ADGRG2: variants seen among roughly 807,000 people sequenced by gnomAD.
ADGRG2 encodes adhesion G protein-coupled receptor G2.
In ADGRG2, 26 loss-of-function variants were observed where a neutral mutation model predicts 74.1. That is an observed-to-expected ratio of 0.35 (90% CI 0.26 to 0.49). The LOEUF (loss-of-function observed/expected upper bound fraction) is 0.49. Ranked by LOEUF, ADGRG2 falls within the 20% of genes least tolerant of loss-of-function variation. The probability of loss-of-function intolerance (pLI) is 0.99; values close to 1 mark genes in which losing one functional copy is unlikely to be tolerated. For synonymous variants in ADGRG2, 296 were observed against 295.2 expected, an observed-to-expected ratio of 1.00 and a Z score of -0.03; for missense variants, 619 against 763.1, an observed-to-expected ratio of 0.81 and a Z score of 2.22.
At chrX:19,097,241 G>C (rs1048982026) in intron 1 of ADGRG2, among the ~76,000 whole-genome samples, 2 of 113,037 alleles carry the variant, frequency 1.8e-5, no homozygotes, top group African/African-American at 6.4e-5. Context: ...GCCAGGCGTT[G>C]TGGCTTACGC....
intron 3 of ADGRG2, among the ~76,000 whole-genome samples, chrX:19,041,347 C>G (rs1028191613): frequency 8.9e-6 from 1 of 111,758 alleles, no homozygotes; most frequent in Non-Finnish European, 1.9e-5. Flanking sequence ...GCAAAATGCC[C>G]TAGAGAAAAC....
chrX:19,070,344 T>C (rs1341185948), intron 2 of ADGRG2, among the ~76,000 whole-genome samples: 1 of 112,438 alleles, frequency 8.9e-6, no homozygotes, highest in East Asian at 2.8e-4. Flanking sequence ...AGGGCCAATA[T>C]GTACCAGATG....
At chrX:19,011,008 C>T (rs185807740) in intron 16 of ADGRG2, among the ~76,000 whole-genome samples, 1 of 112,053 alleles carries the variant, frequency 8.9e-6, no homozygotes, top group East Asian at 2.8e-4. Context: ...AATGGATCAA[C>T]AAACTATGGT....
intron 2 of ADGRG2, among the ~76,000 whole-genome samples, chrX:19,080,308 T>C (rs1158542928): frequency 9.0e-6 from 1 of 111,343 alleles, no homozygotes; most frequent in Non-Finnish European, 1.9e-5. Flanking sequence ...ATGTGTGAAT[T>C]ATCCAACGCA....
At chrX:19,032,881 G>C (rs1020034528) in intron 8 of ADGRG2, 1 of 111,912 alleles carries the variant, frequency 8.9e-6, no homozygotes, top group Non-Finnish European at 1.9e-5. Flanking sequence ...AGCATGTCTT[G>C]TGTGTGTAGT....
At chrX:19,098,292 T>C (rs1444072929) in intron 1 of ADGRG2, among the ~76,000 whole-genome samples, 1 of 111,920 alleles carries the variant, frequency 8.9e-6, no homozygotes, top group Non-Finnish European at 1.9e-5. Flanking sequence ...AAATAATACT[T>C]AGAGAACATA....
At chrX:19,048,945 C>T (rs1181232513) in intron 3 of ADGRG2, among the ~76,000 whole-genome samples, 1 of 111,914 alleles carries the variant, frequency 8.9e-6, no homozygotes, top group Non-Finnish European at 1.9e-5. Flanking sequence ...ATGACACTGG[C>T]CTTATACCTG....
chrX:19,104,999 C>T (rs939860070), intron 1 of ADGRG2, among the ~76,000 whole-genome samples: 14 of 108,273 alleles, frequency 1.3e-4, no homozygotes, highest in African/African-American at 3.4e-4. Flanking sequence ...ATTAGGAGGC[C>T]GAAGTAGGCA....
rs2060340317 is a variant in ADGRG2 at position 19,010,776 on chromosome X, T to C, written c.1102A>G (p.Ile368Val). The change falls in exon 17 of 29, where the codon ATC (isoleucine) becomes GTC (valine). Residue 368 changes from isoleucine (I) to valine (V), a missense_variant and splice_region_variant. Coordinates refer to ENST00000379869, the MANE Select transcript of ADGRG2 (RefSeq NM_001079858.3). Reference protein sequence around the residue: ...TTSAPPVQTDIVNTSSISDLE... With the variant: ...TTSAPPVQTDVVNTSSISDLE... ...TCAGAAATACTGCTGGTGTTGACGA[T>C]GTCTATATCAAAGAGCCAAATCGTG... 3.4e-6 allele frequency: 4 copies of C among 1,186,220 alleles called. No individual in the cohort carries two copies. The East Asian group carries it at 1.2e-4, about 36-fold the overall frequency.
chrX:19,093,939 C>CACA (rs1569141001), intron 1 of ADGRG2, among the ~76,000 whole-genome samples: 32 of 103,530 alleles, frequency 3.1e-4, no homozygotes, highest in African/African-American at 1.2e-3. Context: ...ACACACACAC[C>CACA]CCATGGAATA....
chrX:19,049,455 T>TTTTTTTTTTG (rs1328733136), intron 3 of ADGRG2, among the ~76,000 whole-genome samples: 47 of 90,951 alleles, frequency 5.2e-4, no homozygotes, highest in African/African-American at 1.7e-3. Context: ...TTTTTTTTTT[T>TTTTTTTTTTG]TTGTTGTTGT....
intron 11 of ADGRG2, among the ~76,000 whole-genome samples, chrX:19,024,460 G>A (rs752534711): frequency 2.7e-5 from 3 of 112,036 alleles, no homozygotes; most frequent in Non-Finnish European, 5.6e-5. Context: ...CTCCAACCAT[G>A]CTTTCATTTC....
chrX:18,992,039 G>A (rs1248497390), intron 28 of ADGRG2, among the ~76,000 whole-genome samples: 1 of 111,615 alleles, frequency 9.0e-6, no homozygotes, highest in Non-Finnish European at 1.9e-5. Flanking sequence ...CTTCCAAACT[G>A]TGATCCTTGT....
intron 3 of ADGRG2, among the ~76,000 whole-genome samples, chrX:19,056,627 G>A (rs192837837): frequency 2.6e-4 from 29 of 112,030 alleles, no homozygotes; most frequent in African/African-American, 8.8e-4. Context: ...AGTTGCCTCT[G>A]TTTTGAAGCC....
upstream of ADGRG2, chrX:19,122,753 G>C (rs2062632868): frequency 9.0e-6 from 1 of 111,021 alleles, no homozygotes; most frequent in South Asian, 3.6e-4. Context: ...CGGGGGCGGC[G>C]AGCTCGGCCG....
At chrX:19,081,254 C>T (rs932087862) in intron 2 of ADGRG2, among the ~76,000 whole-genome samples, 1 of 111,692 alleles carries the variant, frequency 9.0e-6, no homozygotes, top group Non-Finnish European at 1.9e-5. Flanking sequence ...AGCAGGCACT[C>T]GACAAAGATT....
At chrX:19,080,787 C>T (rs2061833425) in intron 2 of ADGRG2, among the ~76,000 whole-genome samples, 1 of 110,280 alleles carries the variant, frequency 9.1e-6, no homozygotes, top group Admixed American at 9.7e-5. Flanking sequence ...CCTCCACCTC[C>T]CAGGCTCAAG....
At chrX:19,097,435 C>T (rs1393985966) in intron 1 of ADGRG2, among the ~76,000 whole-genome samples, 2 of 112,266 alleles carry the variant, frequency 1.8e-5, no homozygotes, top group African/African-American at 3.2e-5. Flanking sequence ...CGCTTCAATC[C>T]GGGAGGTGGA....
chrX:19,012,630 C>CAAAAA (rs71924946), intron 16 of ADGRG2, among the ~76,000 whole-genome samples: 2 of 33,069 alleles, frequency 6.0e-5, no homozygotes, highest in African/African-American at 9.7e-5. Context: ...CCAAAGCTAC[C>CAAAAA]AAAAAAAAAA....
Sources: allele counts gnomAD v4.1 joint callset (sites outside exome capture counted in the v4.1 genomes callset), GRCh38; gene constraint gnomAD v4.1.1; transcripts MANE v1.5; gene names NCBI Gene and HGNC (gene_info 2026-07-23, HGNC 2026-07-21).